P3H2: variants seen among roughly 807,000 people sequenced by gnomAD.
P3H2 encodes the protein prolyl 3-hydroxylase 2, also known as leprecan-like 1.
Under a neutral mutation model 87.0 loss-of-function variants are expected in P3H2, and 80 were observed. That is an observed-to-expected ratio of 0.92 (90% CI 0.77 to 1.11). P3H2 has a LOEUF of 1.11. Ranked by LOEUF, P3H2 falls within the 50% of genes least tolerant of loss-of-function variation. The probability of loss-of-function intolerance (pLI) is 0.00; values close to 1 mark genes in which losing one functional copy is unlikely to be tolerated. For synonymous variants in P3H2, 367 were observed against 359.3 expected, an observed-to-expected ratio of 1.02 and a Z score of -0.24; for missense variants, 1,001 against 923.9, an observed-to-expected ratio of 1.08 and a Z score of -1.08.
At chr3:190,062,264 A>G (rs1051532339) in intron 1 of P3H2, among the ~76,000 whole-genome samples, 3 of 152,028 alleles carry the variant, frequency 2.0e-5, no homozygotes, top group Non-Finnish European at 2.9e-5. Context: ...CCCTGTATCC[A>G]TGGATCCTTA....
At chr3:190,040,028 T>G (rs1430707133) in intron 1 of P3H2, among the ~76,000 whole-genome samples, 1 of 152,220 alleles carries the variant, frequency 6.6e-6, no homozygotes, top group Non-Finnish European at 1.5e-5. Context: ...GAGCAGTGAC[T>G]ATAGTTGCAT....
chr3:190,033,399 T>C (rs1325737785), intron 1 of P3H2, among the ~76,000 whole-genome samples: 1 of 152,206 alleles, frequency 6.6e-6, no homozygotes, highest in Non-Finnish European at 1.5e-5. Context: ...TAGAAAAATA[T>C]AGAGAGAAAT....
intron 1 of P3H2, among the ~76,000 whole-genome samples, chr3:190,075,674 A>C (rs1044651071): frequency 2.0e-5 from 3 of 152,112 alleles, no homozygotes; most frequent in Non-Finnish European, 4.4e-5. Context: ...GGATTTGGAC[A>C]TGTGGAGATT....
At chr3:190,066,418 T>C (rs1240012811) in intron 1 of P3H2, among the ~76,000 whole-genome samples, 2 of 151,952 alleles carry the variant, frequency 1.3e-5, no homozygotes. Flanking sequence ...TTCTCACTCA[T>C]AAGTGGGAGC....
chr3:190,105,196 C>T (rs1711783755), intron 1 of P3H2, among the ~76,000 whole-genome samples: 2 of 152,176 alleles, frequency 1.3e-5, no homozygotes, highest in East Asian at 1.9e-4. Context: ...GTTTGACTCA[C>T]GTTTGAACAC....
rs1712496339 is a variant in P3H2 at position 190,120,325 on chromosome 3, C to A, written c.407G>T (p.Arg136Leu). Residue 136 changes from arginine (R) to leucine (L), a missense_variant, in exon 1 of 15, where the codon CGC (arginine) becomes CTC (leucine). Transcript: ENST00000319332. ...QRLGGPASRH[R>L]VSEDVRSDFQ... Reference sequence around the variant, plus strand: ...GTCGCTGCGCACATCCTCGCTGACGCGGTGGCGGGATGCGGGGCCCCCGAG... The same window carrying A: ...GTCGCTGCGCACATCCTCGCTGACGAGGTGGCGGGATGCGGGGCCCCCGAG... The A allele has an allele frequency of 1.2e-6, 2 of 1,601,636 alleles. No individual in the cohort carries two copies. Among genetic ancestry groups the A allele is most frequent in the African/African-American group, 2.7e-5 (2 of 74,860 alleles).
At chr3:189,971,813 A>G in intron 12 of P3H2, 77 bp downstream of exon 12, 1 of 895,084 alleles carries the variant, frequency 1.1e-6, no homozygotes, top group African/African-American at 1.6e-5. Flanking sequence ...GTCAAGCAAA[A>G]CAGAGCACCT....
chr3:190,036,622 T>C (rs2108951228), intron 1 of P3H2, among the ~76,000 whole-genome samples: 1 of 152,330 alleles, frequency 6.6e-6, no homozygotes, highest in South Asian at 2.1e-4. Context: ...TTAAAACTCA[T>C]AATCTAATGT....
intron 1 of P3H2, among the ~76,000 whole-genome samples, chr3:190,097,957 T>C (rs749689299): frequency 6.6e-5 from 10 of 152,182 alleles, no homozygotes; most frequent in Non-Finnish European, 1.3e-4. Context: ...TTTGGAAAAA[T>C]ACTTTAGGTC....
intron 1 of P3H2, among the ~76,000 whole-genome samples, chr3:190,076,483 G>A (rs759198791): frequency 2.0e-5 from 3 of 152,214 alleles, no homozygotes; most frequent in Non-Finnish European, 2.9e-5. Context: ...TACAGCTGCA[G>A]CAAAGTGAGA....
intron 1 of P3H2, among the ~76,000 whole-genome samples, chr3:190,052,009 T>G (rs1577297677): frequency 6.6e-6 from 1 of 152,072 alleles, no homozygotes; most frequent in Admixed American, 6.6e-5. Context: ...AAACACAATA[T>G]CTTTCCTGGT....
At chr3:190,025,593 C>A (rs1206205840) in intron 1 of P3H2, among the ~76,000 whole-genome samples, 1 of 152,128 alleles carries the variant, frequency 6.6e-6, no homozygotes, top group Non-Finnish European at 1.5e-5. Context: ...TTAGAACTCT[C>A]CTTTGCATAT....
In P3H2 at chr3:189,994,238, C is replaced by G. The variant is rs1408355931; in HGVS notation, c.679G>C (p.Glu227Gln). The G allele has an allele frequency of 6.2e-7, 1 of 1,613,762 alleles. No individual in the cohort carries two copies. The highest frequency in any genetic ancestry group is 2.2e-5 in the East Asian group (1 of 44,874). Residue 227 changes from glutamate (E) to glutamine (Q), a missense_variant, in exon 3 of 15, where the codon GAG becomes CAG. Coordinates refer to ENST00000319332, the MANE Select transcript of P3H2 (RefSeq NM_018192.4). ...GVKHYEADDFEMAIRHFEQAL... is the reference protein window; with the variant it reads ...GVKHYEADDFQMAIRHFEQAL... ...TGTTCGAAGTGCCTGATAGCCATCT[C>G]AAAGTCATCAGCCTCATAATGTTTA...
At chr3:190,041,097 ATATATATATAC>A (rs1196539662) in intron 1 of P3H2, among the ~76,000 whole-genome samples, 6,223 of 28,466 alleles carry the variant, frequency 0.22, 755 homozygotes, top group South Asian at 0.32. Flanking sequence ...CTCTCTATAT[ATATATATATAC>A]TATATATATA....
chr3:189,957,452 TGTGTGTG>T lies in P3H2; in HGVS notation c.*453_*459del. On this transcript the variant is annotated 3_prime_UTR_variant, in exon 15 of 15. Coordinates refer to ENST00000319332, the MANE Select transcript of P3H2 (RefSeq NM_018192.4). ...TTGCAGCAACTTAATTGTGTGTGTG[TGTGTGTG>T]TGTGTGTGTGTGTGTGTGTGTTTGG... 6.4e-6 allele frequency: 1 copy of T among 155,968 alleles called. No homozygotes were observed. The highest frequency in any genetic ancestry group is 7.2e-5 in the East Asian group (1 of 13,880). 9.7% of individuals were successfully genotyped at this position (155,968 alleles called of 1,614,324 possible). A position where few individuals can be genotyped will look rare whatever the true frequency, so the allele number is the denominator to read the frequency against.
Position 190,102,743 on chromosome 3 carries a change from T to C in P3H2, c.480+17509A>G, listed in dbSNP as rs1232235512. 5.9e-5 allele frequency among the ~76,000 whole-genome samples: 9 copies of C among 152,218 alleles called. No homozygotes were observed. In the East Asian group the frequency reaches 1.5e-3, roughly 26 times the overall value. On this transcript the variant is annotated intron_variant, in intron 1 of 14. Coordinates refer to ENST00000319332, the MANE Select transcript of P3H2 (RefSeq NM_018192.4). ...GCAGGGTTTGAGAGAATTGACCACT[T>C]TGGAAAGAAGTTTACTGTGAGTAAA...
At chr3:190,119,599 G>GT (rs1380202183) in intron 1 of P3H2, among the ~76,000 whole-genome samples, 3 of 152,150 alleles carry the variant, frequency 2.0e-5, no homozygotes, top group Admixed American at 6.5e-5. Context: ...ACCAGAAAAC[G>GT]TAAGCCCTCT....
At chr3:190,007,965 C>CATATATATATATATATATATATATAT (rs1553875103) in intron 1 of P3H2, among the ~76,000 whole-genome samples, 22 of 94,332 alleles carry the variant, frequency 2.3e-4, no homozygotes, top group Non-Finnish European at 3.6e-4. Flanking sequence ...TGTTGACACA[C>CATATATATATATATATATATATATAT]ATATATATAT....
chr3:190,065,965 A>G (rs1393257652), intron 1 of P3H2, among the ~76,000 whole-genome samples: 4 of 151,964 alleles, frequency 2.6e-5, no homozygotes, highest in South Asian at 2.1e-4. Flanking sequence ...TGTTGGCCCA[A>G]TGATCATTCA....
Sources: allele counts gnomAD v4.1 joint callset (sites outside exome capture counted in the v4.1 genomes callset), GRCh38; gene constraint gnomAD v4.1.1; transcripts MANE v1.5; gene names NCBI Gene and HGNC (gene_info 2026-07-23, HGNC 2026-07-21).